The following CACNA2D4 variants were observed in gnomAD, a reference collection of about 807,000 sequenced individuals.
The protein encoded by CACNA2D4 is calcium voltage-gated channel auxiliary subunit alpha2delta 4, also known as voltage-dependent calcium channel subunit alpha-2/delta-4.
A neutral mutation model predicts 163.8 loss-of-function variants in CACNA2D4; 157 were observed. The observed-to-expected ratio is 0.96, with a 90% confidence interval of 0.84 to 1.09. The LOEUF (loss-of-function observed/expected upper bound fraction) is 1.09. Among genes scored for constraint, CACNA2D4 ranks in the 50% least tolerant of loss-of-function variants. The pLI, the probability that CACNA2D4 is intolerant of heterozygous loss-of-function variation, is 0.00. For missense variants in CACNA2D4, 1,410 were observed against 1,479.9 expected (o/e 0.95, Z 0.78); for synonymous variants, 598 against 586.9 (o/e 1.02, Z -0.27).
intron 34 of CACNA2D4, chr12:1,797,800 C>T: frequency 1.8e-6 from 1 of 544,004 alleles, no homozygotes; most frequent in Non-Finnish European, 3.3e-6. Context: ...TCTGGGGAGC[C>T]TGGCCCTCAC....
rs879767746 is a variant in CACNA2D4, at chr12:1,828,007, T to C, written c.2551+12732A>G. On this transcript the variant is annotated intron_variant, in intron 26 of 37. Coordinates refer to ENST00000382722, the MANE Select transcript of CACNA2D4 (RefSeq NM_172364.5). This position sits in a 1 kb window ranked among gnomAD's most constrained non-coding sequence, Gnocchi z 4.2. ...GGAGTGTAAAGAGACACCCGGGCCCTCTCCCTAACCCCTGGGCTGGAACGG... is the reference window on the plus strand; with the variant it reads ...GGAGTGTAAAGAGACACCCGGGCCCCCTCCCTAACCCCTGGGCTGGAACGG... The C allele has an allele frequency of 1.8e-4, 109 of 612,476 alleles. No homozygotes were observed. The highest frequency in any genetic ancestry group is 2.7e-4 in the Non-Finnish European group (103 of 383,756). 37.9% of individuals were successfully genotyped at this position (612,476 alleles called of 1,614,324 possible). A position where few individuals can be genotyped will look rare whatever the true frequency, so the allele number is the denominator to read the frequency against.
At chr12:1,896,555 T>A (rs1266844713) in intron 6 of CACNA2D4, among the ~76,000 whole-genome samples, 1 of 149,802 alleles carries the variant, frequency 6.7e-6, no homozygotes, top group African/African-American at 2.5e-5. Flanking sequence ...GAAATGCAAA[T>A]CAATACTACA....
intron 26 of CACNA2D4, among the ~76,000 whole-genome samples, chr12:1,821,804 C>T (rs1277098709): frequency 6.6e-6 from 1 of 152,168 alleles, no homozygotes; most frequent in East Asian, 1.9e-4. Context: ...AGGTCTGGGG[C>T]TGGGTTCCAG....
intron 6 of CACNA2D4, among the ~76,000 whole-genome samples, chr12:1,887,953 T>A (rs1866189688): frequency 1.3e-5 from 2 of 152,182 alleles, no homozygotes; most frequent in South Asian, 4.1e-4. Flanking sequence ...ATTGCTGGCA[T>A]CTCAAAGGTA....
rs1169730787 is a variant in CACNA2D4 at position 1,833,188 on chromosome 12, G to A, written c.2551+7551C>T. Among the ~76,000 whole-genome samples the A allele has an allele frequency of 2.0e-5, 3 of 152,184 alleles. No individual in the cohort carries two copies. The highest frequency in any genetic ancestry group is 2.9e-5 in the Non-Finnish European group (2 of 68,048). On this transcript the variant is annotated intron_variant, in intron 26 of 37. Coordinates refer to ENST00000382722, the MANE Select transcript of CACNA2D4 (RefSeq NM_172364.5). The surrounding 1 kb of genome is among the most constrained non-coding windows in gnomAD (Gnocchi z 4.2). ...AACAAAATCCTGGAATATTTCCATC[G>A]GCATCCCAGGGAAAGATTGATGCCT...
At chr12:1,904,946 A>G (rs1312624148) in intron 6 of CACNA2D4, among the ~76,000 whole-genome samples, 1 of 152,086 alleles carries the variant, frequency 6.6e-6, no homozygotes, top group Non-Finnish European at 1.5e-5. Context: ...ATCAAAACAC[A>G]GAGATTGGCA....
rs372200034 is a variant in CACNA2D4 at position 1,860,138 on chromosome 12, C to T, written c.1940+7G>A. ...CACCCCGTGCAAATAAAGCCTGTGT[C>T]CCTCACCTGAAAGGGGTGTCGCTGA... On this transcript the variant is annotated splice_region_variant and intron_variant, in intron 19 of 37. Transcript: ENST00000382722. The T allele has an allele frequency of 1.2e-6, 2 of 1,610,704 alleles. No individual in the cohort carries two copies. The highest frequency in any genetic ancestry group is 2.7e-5 in the African/African-American group (2 of 74,856).
intron 26 of CACNA2D4, among the ~76,000 whole-genome samples, chr12:1,816,010 C>G (rs919799122): frequency 6.6e-6 from 1 of 152,204 alleles, no homozygotes; most frequent in African/African-American, 2.4e-5. Flanking sequence ...GCTTGCATCC[C>G]CTGGCTTGCA....
chr12:1,845,117 C>A (rs907191031), intron 24 of CACNA2D4, among the ~76,000 whole-genome samples: 12 of 152,128 alleles, frequency 7.9e-5, no homozygotes, highest in Non-Finnish European at 1.6e-4. Context: ...TGTGGATAAT[C>A]CACAAGGTGG....
chr12:1,862,474 C>T (rs1002625028), intron 18 of CACNA2D4, among the ~76,000 whole-genome samples: 1 of 152,150 alleles, frequency 6.6e-6, no homozygotes, highest in Non-Finnish European at 1.5e-5. Flanking sequence ...CTCACTCTGT[C>T]GCCAGGCTGT....
intron 26 of CACNA2D4, among the ~76,000 whole-genome samples, chr12:1,821,758 C>T (rs1864112835): frequency 6.6e-6 from 1 of 152,158 alleles, no homozygotes; most frequent in Non-Finnish European, 1.5e-5. Flanking sequence ...GCAGCCTGAC[C>T]AGGAGTCGGA....
At chr12:1,826,889 A>C (rs1864354236) in intron 26 of CACNA2D4, among the ~76,000 whole-genome samples, 1 of 152,200 alleles carries the variant, frequency 6.6e-6, no homozygotes, top group African/African-American at 2.4e-5. Flanking sequence ...TCAGCACTGA[A>C]GCTTCTCGGC....
intron 18 of CACNA2D4, among the ~76,000 whole-genome samples, chr12:1,870,089 G>A (rs1865738200): frequency 6.6e-6 from 1 of 152,142 alleles, no homozygotes; most frequent in Non-Finnish European, 1.5e-5. Context: ...TTGGTCGTGG[G>A]ACAGTCTTTA....
At chr12:1,908,112 G>T in intron 4 of CACNA2D4, 75 bp from the exon 5 acceptor site, 2 of 1,465,230 alleles carry the variant, frequency 1.4e-6, no homozygotes, top group Non-Finnish European at 1.9e-6. Context: ...GAGAAACGGC[G>T]CAGGTGAGAG....
chr12:1,816,107 C>T (rs896694260), intron 26 of CACNA2D4, among the ~76,000 whole-genome samples: 1 of 152,164 alleles, frequency 6.6e-6, no homozygotes, highest in Admixed American at 6.5e-5. Context: ...AGTCTTCTCC[C>T]CCAGGATCCC....
At chr12:1,852,769 A>C (rs1865313118) in intron 23 of CACNA2D4, among the ~76,000 whole-genome samples, 1 of 152,186 alleles carries the variant, frequency 6.6e-6, no homozygotes, top group African/African-American at 2.4e-5. Context: ...CCCTCTGTAG[A>C]AGGCACAACA....
chr12:1,888,789 A>G (rs1276966677), intron 6 of CACNA2D4, among the ~76,000 whole-genome samples: 1 of 152,242 alleles, frequency 6.6e-6, no homozygotes, highest in Non-Finnish European at 1.5e-5. Context: ...AAGGGAGAGC[A>G]TGGAGGAAAG....
chr12:1,879,471 C>T (rs1173370145), intron 14 of CACNA2D4, among the ~76,000 whole-genome samples: 3 of 152,164 alleles, frequency 2.0e-5, no homozygotes, highest in Non-Finnish European at 4.4e-5. Context: ...AGAGTCTGCA[C>T]AACCTGGCAG....
rs542299686 is a variant in CACNA2D4 at position 1,894,788 on chromosome 12, TG to T, written c.782-7720del. Among the ~76,000 whole-genome samples the T allele has an allele frequency of 2.9e-4, 44 of 152,216 alleles. No homozygotes were observed. In the South Asian group the frequency reaches 3.9e-3, roughly 14 times the overall value. ...AACCCACAGGTAACATCATACTGAA[TG>T]GGGAAAATCTGAAAGCCTTTCTTCT... is the stretch of plus-strand genomic sequence containing the variant. On this transcript the variant is annotated intron_variant, in intron 6 of 37. Coordinates refer to ENST00000382722, the MANE Select transcript of CACNA2D4 (RefSeq NM_172364.5).
Sources: allele counts gnomAD v4.1 joint callset (sites outside exome capture counted in the v4.1 genomes callset), GRCh38; gene constraint gnomAD v4.1.1; non-coding constraint Gnocchi (gnomAD v3.1); transcripts MANE v1.5; gene names NCBI Gene and HGNC (gene_info 2026-07-23, HGNC 2026-07-21).